The following ZNF107 variants were observed in gnomAD, a reference collection of about 807,000 sequenced individuals.
ZNF107 encodes C2H2 type zinc-finger protein.
A neutral mutation model predicts 12.3 loss-of-function variants in ZNF107; 19 were observed. The observed-to-expected ratio is 1.55, with a 90% confidence interval of 1.08 to 2.27. ZNF107 has a LOEUF of 2.27. ZNF107 is among the 30% of genes most tolerant of loss of function. The pLI is 0.00. For missense variants in ZNF107, 958 were observed against 979.9 expected, an observed-to-expected ratio of 0.98 and a Z score of 0.30; for synonymous variants, 317 against 330.5, an observed-to-expected ratio of 0.96 and a Z score of 0.44.
At chr7:64,667,609 G>T (rs2128954543) in intron 1 of ZNF107, among the ~76,000 whole-genome samples, 1 of 152,278 alleles carries the variant, frequency 6.6e-6, no homozygotes, top group East Asian at 1.9e-4. Flanking sequence ...ATCAACTGTG[G>T]CTGTGTATGC....
chr7:64,666,945 G>A, intron 1 of ZNF107, among the ~76,000 whole-genome samples: 1 of 127,798 alleles, frequency 7.8e-6, no homozygotes, highest in East Asian at 3.6e-4. Context: ...CGTAATCAGA[G>A]CTTAATTGGC....
At chr7:64,673,147 G>A (rs1216568897) in intron 1 of ZNF107, among the ~76,000 whole-genome samples, 1 of 152,098 alleles carries the variant, frequency 6.6e-6, no homozygotes, top group East Asian at 1.9e-4. Context: ...GAGTTCAAGC[G>A]ATTCTTCTGC....
chr7:64,670,278 A>T (rs1248160236), intron 1 of ZNF107, among the ~76,000 whole-genome samples: 1 of 152,066 alleles, frequency 6.6e-6, no homozygotes, highest in African/African-American at 2.4e-5. Flanking sequence ...GCAGACAAAG[A>T]CTTTTTTTTT....
rs1417456896 is a variant in ZNF107 at position 64,707,578 on chromosome 7, C to G, written c.1481C>G (p.Ser494Ter). 6.2e-7 allele frequency: 1 copy of G among 1,612,742 alleles called. No individual in the cohort carries two copies. The highest frequency in any genetic ancestry group is 2.2e-5 in the East Asian group (1 of 44,772). The change falls in exon 4 of 4, where the codon TCA becomes TGA. Residue 494 changes from serine to a stop codon, truncating the protein, a stop_gained. Coordinates refer to ENST00000620827, the MANE Select transcript of ZNF107 (RefSeq NM_001282359.2). LOFTEE classifies it low-confidence loss of function (END_TRUNC). Reference sequence around the variant, plus strand: ...TGTGGAAAAGCTTTTAATCGATCCTCAACCCTTACTAGACATAAGAAAATT... The same window carrying G: ...TGTGGAAAAGCTTTTAATCGATCCTGAACCCTTACTAGACATAAGAAAATT... ...EECGKAFNRS[S>*]TLTRHKKIHT...
At chr7:64,705,812 A>G (rs1359708209) in intron 3 of ZNF107, among the ~76,000 whole-genome samples, 1 of 151,216 alleles carries the variant, frequency 6.6e-6, no homozygotes, top group Non-Finnish European at 1.5e-5. Flanking sequence ...CTGCTGTAAC[A>G]TTTACCTTTG....
chr7:64,698,277 T>C lies in ZNF107; in HGVS notation c.226+6317T>C, dbSNP rs544266867. 2.2e-5 allele frequency among the ~76,000 whole-genome samples: 3 copies of C among 136,828 alleles called. No individual in the cohort carries two copies. The South Asian group carries it at 6.6e-4, about 30-fold the overall frequency. 89.8% of individuals were successfully genotyped at this position (136,828 alleles called of 152,430 possible). On this transcript the variant is annotated intron_variant, in intron 3 of 3. Transcript: ENST00000620827. ...GAAGTAATTCAACTTTATTGTTCAG[T>C]TTTAAGAGTTGTTTGTATATTTGTA...
At position 64,692,609 on chromosome 7, in the gene ZNF107, A is replaced by T. The variant is rs767206000; in HGVS notation, c.226+649A>T. Among the ~76,000 whole-genome samples, 35 of 152,272 alleles carry T rather than the reference A, an allele frequency of 2.3e-4. No individual in the cohort carries two copies. In the South Asian group the frequency reaches 2.7e-3, roughly 12 times the overall value. On this transcript the variant is annotated intron_variant, in intron 3 of 3. Transcript: ENST00000620827. ...TTATTGAATCTATAGATCACTTTGG[A>T]AAACATGGTGCTTTATCAATATTTA...
chr7:64,709,098 C>T lies in ZNF107; in HGVS notation c.*442C>T. The T allele has an allele frequency of 2.2e-6, 1 of 455,010 alleles. No homozygotes were observed. Among genetic ancestry groups the T allele is most frequent in the South Asian group, 1.7e-5 (1 of 58,276 alleles). 28.2% of individuals were successfully genotyped at this position (455,010 alleles called of 1,614,324 possible). A position where few individuals can be genotyped will look rare whatever the true frequency, so the allele number is the denominator to read the frequency against. On this transcript the variant is annotated 3_prime_UTR_variant, in exon 4 of 4. Coordinates refer to ENST00000620827, the MANE Select transcript of ZNF107 (RefSeq NM_001282359.2). ...TAACCAATCCTCATACCTTACTATA[C>T]AGAAATTCATACTGGAGAGAAAGCC...
intron 1 of ZNF107, among the ~76,000 whole-genome samples, chr7:64,672,305 A>C (rs1201033156): frequency 6.6e-6 from 1 of 151,676 alleles, no homozygotes; most frequent in African/African-American, 2.4e-5. Context: ...GTATTCCATG[A>C]TGTTTATGTA....
At chr7:64,696,963 C>T (rs971916018) in intron 3 of ZNF107, among the ~76,000 whole-genome samples, 11 of 151,956 alleles carry the variant, frequency 7.2e-5, no homozygotes, top group African/African-American at 2.2e-4. Context: ...GCTATCCCTC[C>T]CCCCTGCCCC....
intron 3 of ZNF107, among the ~76,000 whole-genome samples, chr7:64,701,549 T>G (rs1329529063): frequency 6.6e-6 from 1 of 152,046 alleles, no homozygotes; most frequent in Non-Finnish European, 1.5e-5. Context: ...AAAATTAGTC[T>G]CTTATAGGCA....
chr7:64,691,519 G>A, intron 2 of ZNF107, 145 bp downstream of exon 2: 3 of 785,542 alleles, frequency 3.8e-6, no homozygotes, highest in Non-Finnish European at 5.1e-6. Context: ...ATTTCTTTGT[G>A]TAGAAAATAA....
chr7:64,686,797 A>G (rs1358857974), intron 1 of ZNF107: 1 of 875,200 alleles, frequency 1.1e-6, no homozygotes. Context: ...TTGCCCTGTA[A>G]AGACTGCTCT....
intron 3 of ZNF107, among the ~76,000 whole-genome samples, chr7:64,703,825 GTTTAA>G (rs983616259): frequency 6.6e-6 from 1 of 151,934 alleles, no homozygotes; most frequent in African/African-American, 2.4e-5. Context: ...TAACGTTATT[GTTTAA>G]TTTGATTCTT....
Position 64,710,389 on chromosome 7 carries a change from T to G in ZNF107, c.*1733T>G, listed in dbSNP as rs1264390168. On this transcript the variant is annotated 3_prime_UTR_variant, in exon 4 of 4. Coordinates refer to ENST00000620827, the MANE Select transcript of ZNF107 (RefSeq NM_001282359.2). ...ACCAGAGGCCTCATACTAAAATATATTTTTGCAAGTGAAGTAAATATAAAA... is the reference window on the plus strand; with the variant it reads ...ACCAGAGGCCTCATACTAAAATATAGTTTTGCAAGTGAAGTAAATATAAAA... 6.6e-6 allele frequency: 1 copy of G among 152,140 alleles called. No homozygotes were observed. Among genetic ancestry groups the G allele is most frequent in the Non-Finnish European group, 1.5e-5 (1 of 68,026 alleles). The allele number at this position is 152,140 out of a possible 1,614,324, so 9.4% of individuals were successfully genotyped here. A position where few individuals can be genotyped will look rare whatever the true frequency, so the allele number is the denominator to read the frequency against.
intron 1 of ZNF107, among the ~76,000 whole-genome samples, chr7:64,671,812 C>T (rs1324715012): frequency 3.0e-5 from 4 of 135,080 alleles, no homozygotes; most frequent in Admixed American, 1.7e-4. Context: ...GGCAGAGTCT[C>T]GCTCTGTTGC....
chr7:64,704,172 A>T (rs1790565918), intron 3 of ZNF107, among the ~76,000 whole-genome samples: 2 of 152,206 alleles, frequency 1.3e-5, no homozygotes, highest in Admixed American at 6.5e-5. Flanking sequence ...GATAATAATT[A>T]AAAATGCTTT....
chr7:64,682,282 C>T (rs912875922), intron 1 of ZNF107, among the ~76,000 whole-genome samples: 7 of 152,092 alleles, frequency 4.6e-5, no homozygotes, highest in Admixed American at 1.3e-4. Context: ...GCACTCCCCC[C>T]GCTGACCGTA....
intron 3 of ZNF107, among the ~76,000 whole-genome samples, chr7:64,696,974 C>G (rs971517760): frequency 6.6e-6 from 1 of 152,000 alleles, no homozygotes; most frequent in Non-Finnish European, 1.5e-5. Context: ...CCCCTGCCCC[C>G]ACCCCACAAC....
Sources: gnomAD v4.1 joint callset for allele counts (sites outside exome capture counted in the v4.1 genomes callset) on GRCh38, gnomAD v4.1.1 for gene constraint, MANE v1.5 for transcripts, NCBI Gene and HGNC (gene_info 2026-07-23, HGNC 2026-07-21) for gene names.